The following VTI1A variants were observed in gnomAD, a reference collection of about 807,000 sequenced individuals.
VTI1A encodes the protein vesicle transport through interaction with t-SNAREs homolog 1A.
VTI1A carries 22 observed loss-of-function variants against 34.9 expected under a neutral mutation model. The observed-to-expected ratio is 0.63, with a 90% confidence interval of 0.45 to 0.90. VTI1A has a LOEUF of 0.90. Among genes scored for constraint, VTI1A ranks in the 40% least tolerant of loss-of-function variants. The pLI is 0.00. For synonymous variants in VTI1A, 87 were observed against 97.3 expected, an observed-to-expected ratio of 0.89 and a Z score of 0.62; for missense variants, 268 against 275.6, an observed-to-expected ratio of 0.97 and a Z score of 0.20.
downstream of VTI1A, among the ~76,000 whole-genome samples, chr10:112,823,116 C>T (rs117918475): frequency 6.6e-6 from 1 of 152,302 alleles, no homozygotes; most frequent in Non-Finnish European, 1.5e-5. Flanking sequence ...TCCAAGTGGA[C>T]AATGCTGTAT....
At position 112,686,929 on chromosome 10, in the gene VTI1A, A is replaced by G. The variant is rs186707900; in HGVS notation, c.560+17931A>G. The stretch of plus-strand genomic sequence containing the variant: ...TTTCTTTAGGGGCACTGTGCCATCA[A>G]AACTGAGCTGGTGCCCAAATGCCTC... On this transcript the variant is annotated intron_variant, in intron 7 of 7. Transcript: ENST00000393077. Among the ~76,000 whole-genome samples, 296 of 152,326 alleles carry G rather than the reference A, an allele frequency of 1.9e-3. 1 individual carries two copies. Among genetic ancestry groups the G allele is most frequent in the African/African-American group, 6.7e-3 (280 of 41,572 alleles).
chr10:112,670,497 G>A lies in VTI1A; in HGVS notation c.560+1499G>A, dbSNP rs1056904539. Among the ~76,000 whole-genome samples, 6 of 152,258 alleles carry A rather than the reference G, an allele frequency of 3.9e-5. No individual in the cohort carries two copies. In the South Asian group the frequency reaches 6.2e-4, roughly 16 times the overall value. On this transcript the variant is annotated intron_variant, in intron 7 of 7. Transcript: ENST00000393077. ...ATTCAAATAAGGATTTATGGGTTTC[G>A]AAACCAATGTATTTCTGTCCATGTT... is the stretch of plus-strand genomic sequence containing the variant.
intron 7 of VTI1A, among the ~76,000 whole-genome samples, chr10:112,693,366 G>A (rs1043795869): frequency 6.6e-6 from 1 of 152,124 alleles, no homozygotes; most frequent in South Asian, 2.1e-4. Flanking sequence ...GGCCAGCATG[G>A]TGAAACCCCA....
chr10:112,496,194 C>CCCT lies in VTI1A; in HGVS notation c.265-30891_265-30890insTCC, dbSNP rs1036757152. ...ATAGGCAAATGGGGAGACCCCCCCCCCCCCCCCGCCGTCTCTAAACAAAAT... is the reference window on the plus strand; with the variant it reads ...ATAGGCAAATGGGGAGACCCCCCCCCCCTCCCCCCCGCCGTCTCTAAACAAAAT... On this transcript the variant is annotated intron_variant, in intron 3 of 7. Transcript: ENST00000393077. 1.7e-5 allele frequency among the ~76,000 whole-genome samples: 2 copies of CCCT among 120,998 alleles called. 1 individual carries two copies. The highest frequency in any genetic ancestry group is 6.4e-5 in the African/African-American group (2 of 31,410). 79.4% of individuals were successfully genotyped at this position (120,998 alleles called of 152,430 possible). A position where few individuals can be genotyped will look rare whatever the true frequency, so the allele number is the denominator to read the frequency against.
intron 3 of VTI1A, among the ~76,000 whole-genome samples, chr10:112,505,677 ATT>A (rs112379213): frequency 4.9e-5 from 7 of 143,478 alleles, no homozygotes; most frequent in Admixed American, 1.4e-4. Context: ...AAATCACATA[ATT>A]TTTTTTTTTT....
At chr10:112,571,781 A>G (rs1270504936) in intron 5 of VTI1A, among the ~76,000 whole-genome samples, 1 of 152,204 alleles carries the variant, frequency 6.6e-6, no homozygotes, top group African/African-American at 2.4e-5. Context: ...GATGGTGTAT[A>G]CGTACACTGT....
At chr10:112,779,622 C>G (rs1321996473) in intron 7 of VTI1A, among the ~76,000 whole-genome samples, 1 of 152,084 alleles carries the variant, frequency 6.6e-6, no homozygotes, top group Non-Finnish European at 1.5e-5. Context: ...CATGCTCATC[C>G]CACTATTCAA....
intron 5 of VTI1A, among the ~76,000 whole-genome samples, chr10:112,591,313 G>A (rs1340709782): frequency 2.6e-5 from 4 of 152,160 alleles, no homozygotes; most frequent in Non-Finnish European, 4.4e-5. Context: ...GAGGTCAGGA[G>A]ATCAAGACCA....
At chr10:112,452,738 G>T (rs1239024712) in intron 1 of VTI1A, among the ~76,000 whole-genome samples, 200 of 137,810 alleles carry the variant, frequency 1.5e-3, no homozygotes, top group Admixed American at 2.7e-3. Flanking sequence ...TTTTGTTTTT[G>T]TTTTTTTTTT....
intron 3 of VTI1A, among the ~76,000 whole-genome samples, chr10:112,518,648 CGTGTATATATATATATATAT>C (rs1849891580): frequency 1.8e-5 from 1 of 56,336 alleles, no homozygotes; most frequent in African/African-American, 5.2e-5. Flanking sequence ...TGTGTATATA[CGTGTATATATATATATATAT>C]ACACACACAC....
intron 7 of VTI1A, among the ~76,000 whole-genome samples, chr10:112,783,503 C>T (rs1458338880): frequency 6.6e-6 from 1 of 152,102 alleles, no homozygotes; most frequent in Non-Finnish European, 1.5e-5. Flanking sequence ...TAAATGTTCA[C>T]GGTGTTCAGA....
chr10:112,719,524 C>T (rs534355813), intron 7 of VTI1A, among the ~76,000 whole-genome samples: 1 of 152,138 alleles, frequency 6.6e-6, no homozygotes, highest in South Asian at 2.1e-4. Context: ...CATCATGCAA[C>T]CATCACCACA....
intron 3 of VTI1A, among the ~76,000 whole-genome samples, chr10:112,511,760 C>T (rs11195980): frequency 0.042 from 6,345 of 152,124 alleles, 415 homozygotes; most frequent in African/African-American, 0.14. Flanking sequence ...ATATTTCCAC[C>T]GTCTACCTCC....
rs779865637 is a variant in VTI1A at position 112,447,482 on chromosome 10, C to G, written c.94+15C>G. 8.7e-6 allele frequency: 14 copies of G among 1,612,006 alleles called. No homozygotes were observed. The highest frequency in any genetic ancestry group is 1.1e-5 in the Non-Finnish European group (13 of 1,179,378). The stretch of plus-strand genomic sequence containing the variant: ...ACTCCCGCCTGGTGAGAGCCTTGCC[C>G]GGCTGGACGAGGGTGCTGGGGAGAG... On this transcript the variant is annotated intron_variant, in intron 1 of 7. Coordinates refer to ENST00000393077, the MANE Select transcript of VTI1A (RefSeq NM_145206.4).
At chr10:112,551,437 A>C (rs1426584789) in intron 5 of VTI1A, among the ~76,000 whole-genome samples, 1 of 152,098 alleles carries the variant, frequency 6.6e-6, no homozygotes, top group African/African-American at 2.4e-5. Context: ...ACTTCTATTG[A>C]TCTCTGCTAT....
At chr10:112,527,876 C>A (rs1850291599) in intron 4 of VTI1A, among the ~76,000 whole-genome samples, 1 of 151,954 alleles carries the variant, frequency 6.6e-6, no homozygotes. Context: ...TAATGTCCCG[C>A]CTCTTTCTTT....
At chr10:112,812,993 C>G (rs1044899646) in intron 7 of VTI1A, among the ~76,000 whole-genome samples, 2 of 152,226 alleles carry the variant, frequency 1.3e-5, no homozygotes, top group African/African-American at 2.4e-5. Flanking sequence ...TTACCAGAGA[C>G]TGCATTCTTT....
intron 5 of VTI1A, among the ~76,000 whole-genome samples, chr10:112,600,315 C>A (rs548864346): frequency 6.6e-6 from 1 of 152,314 alleles, no homozygotes; most frequent in South Asian, 2.1e-4. Flanking sequence ...GATCAAGGAT[C>A]TTCTGATCAA....
intron 7 of VTI1A, among the ~76,000 whole-genome samples, chr10:112,809,391 G>A (rs895906977): frequency 3.9e-5 from 6 of 152,184 alleles, no homozygotes; most frequent in Admixed American, 3.3e-4. Context: ...AAGCAGATCC[G>A]GGTTCCTCTG....
Sources: allele counts gnomAD v4.1 joint callset (sites outside exome capture counted in the v4.1 genomes callset), GRCh38; gene constraint gnomAD v4.1.1; transcripts MANE v1.5; gene names NCBI Gene and HGNC (gene_info 2026-07-23, HGNC 2026-07-21).